Variants in SPRED2 observed in about 807,000 individuals in gnomAD.
SPRED2 encodes sprouty related EVH1 domain containing 2, also known as sprouty-related, EVH1 domain-containing protein 2.
SPRED2 carries 47 observed loss-of-function variants against 43.0 expected under a neutral mutation model. The ratio of observed to expected loss-of-function variants is 1.09; its 90% CI spans 0.87 to 1.40. The LOEUF (loss-of-function observed/expected upper bound fraction) is 1.40. SPRED2 is among the 40% of genes most tolerant of loss of function. SPRED2 has a pLI of 0.00. For missense variants in SPRED2, 561 were observed against 586.4 expected (o/e 0.96, Z 0.45); for synonymous variants, 225 against 225.7 (o/e 1.00, Z 0.03).
chr2:65,311,180 C>T lies in SPRED2; in HGVS notation c.*2321G>A, dbSNP rs574240881. ...TACAAAAATAAAATCTGAATAATTT[C>T]TCTCAAATGATTGACGTCAGTATGG... is the stretch of plus-strand genomic sequence containing the variant. On this transcript the variant is annotated 3_prime_UTR_variant, in exon 6 of 6. Transcript: ENST00000356388. The T allele has an allele frequency of 4.2e-5, 41 of 985,776 alleles. 1 individual carries two copies. In the South Asian group the frequency reaches 7.0e-4, roughly 17 times the overall value. 61.1% of individuals were successfully genotyped at this position (985,776 alleles called of 1,614,324 possible).
chr2:65,314,005 G>A lies in SPRED2; in HGVS notation c.753C>T (p.Tyr251=), dbSNP rs1345324792. Residue 251 remains tyrosine (Y), a synonymous_variant, in exon 6 of 6, where the codon TAC becomes TAT. Transcript: ENST00000356388. ...PDPSEDADSS[Y]VRFAKGEVPK... Reference sequence around the variant, plus strand: ...GGACCTCGCCCTTGGCGAAGCGCACGTAGGAGGAGTCCGCGTCCTCCGAGG... The same window carrying A: ...GGACCTCGCCCTTGGCGAAGCGCACATAGGAGGAGTCCGCGTCCTCCGAGG... 1.2e-6 allele frequency: 2 copies of A among 1,613,962 alleles called. No homozygotes were observed. Among genetic ancestry groups the A allele is most frequent in the South Asian group, 1.1e-5 (1 of 91,088 alleles).
intron 4 of SPRED2, among the ~76,000 whole-genome samples, chr2:65,317,365 T>G (rs1217914738): frequency 6.6e-6 from 1 of 152,036 alleles, no homozygotes; most frequent in Non-Finnish European, 1.5e-5. Flanking sequence ...ATACAAAAAT[T>G]AGGCAGGCAT....
At chr2:65,310,335 G>A (rs1468357182), downstream of SPRED2, among the ~76,000 whole-genome samples, 1 of 152,022 alleles carries the variant, frequency 6.6e-6, no homozygotes, top group Non-Finnish European at 1.5e-5. Flanking sequence ...GATTGTCACT[G>A]TAGCTCTGGA....
intron 5 of SPRED2, among the ~76,000 whole-genome samples, chr2:65,316,472 G>A (rs1673235718): frequency 6.6e-6 from 1 of 152,246 alleles, no homozygotes; most frequent in Non-Finnish European, 1.5e-5. Context: ...TGGGGAGGCT[G>A]AAGACTTGCC....
At chr2:65,363,278 C>T (rs916865516) in intron 1 of SPRED2, among the ~76,000 whole-genome samples, 5 of 150,722 alleles carry the variant, frequency 3.3e-5, no homozygotes, top group African/African-American at 9.8e-5. Flanking sequence ...ACTGGGAATG[C>T]GCACGGTTTC....
At chr2:65,357,006 A>G (rs1674672134) in intron 1 of SPRED2, among the ~76,000 whole-genome samples, 1 of 152,118 alleles carries the variant, frequency 6.6e-6, no homozygotes, top group African/African-American at 2.4e-5. Context: ...AACACAAAAC[A>G]AAACAAAAAA....
chr2:65,366,623 A>G, intron 1 of SPRED2: 1 of 1,553,178 alleles, frequency 6.4e-7, no homozygotes, highest in Non-Finnish European at 8.7e-7. Context: ...TACATTGTGG[A>G]GCCCGAGTGC....
chr2:65,382,772 T>A (rs1260187241), intron 1 of SPRED2, among the ~76,000 whole-genome samples: 1 of 152,184 alleles, frequency 6.6e-6, no homozygotes, highest in Middle Eastern at 3.2e-3. Context: ...CAAAATCCAA[T>A]GTGTATTTTG....
At chr2:65,358,683 G>C (rs17704661) in intron 1 of SPRED2, among the ~76,000 whole-genome samples, 16,765 of 152,262 alleles carry the variant, frequency 0.11, 1,378 homozygotes, top group Non-Finnish European at 0.16. Context: ...TGGTCCAAAC[G>C]TAAGTCAGTT....
chr2:65,357,971 A>G (rs1178133309), intron 1 of SPRED2, among the ~76,000 whole-genome samples: 3 of 152,126 alleles, frequency 2.0e-5, no homozygotes, highest in Non-Finnish European at 4.4e-5. Context: ...ATCCCTTTTC[A>G]TGCTTTGTGT....
chr2:65,340,765 C>T (rs1235838818), intron 2 of SPRED2, among the ~76,000 whole-genome samples: 1 of 152,194 alleles, frequency 6.6e-6, no homozygotes, highest in Non-Finnish European at 1.5e-5. Context: ...TCTAGATGTG[C>T]ACTACATTGT....
At chr2:65,395,011 T>C (rs1366774986) in intron 1 of SPRED2, among the ~76,000 whole-genome samples, 1 of 152,082 alleles carries the variant, frequency 6.6e-6, no homozygotes, top group Non-Finnish European at 1.5e-5. Flanking sequence ...ACAAGAGATA[T>C]CCGGTGGCCA....
chr2:65,362,494 T>C (rs113965599), intron 1 of SPRED2, among the ~76,000 whole-genome samples: 7,780 of 151,996 alleles, frequency 0.051, 298 homozygotes, highest in Middle Eastern at 0.15. Flanking sequence ...ATGGTCTCGA[T>C]CTCCTGACCT....
intron 5 of SPRED2, among the ~76,000 whole-genome samples, chr2:65,314,822 C>G (rs72894557): frequency 0.022 from 3,286 of 152,270 alleles, 160 homozygotes; most frequent in African/African-American, 0.074. Flanking sequence ...GTGTCTCCTT[C>G]AAGAGACAGG....
chr2:65,390,398 A>G (rs268129), intron 1 of SPRED2, among the ~76,000 whole-genome samples: 138,881 of 152,216 alleles, frequency 0.91, 63,845 homozygotes, highest in East Asian at 1. Context: ...TGACTGTGGG[A>G]CTGGAGTGAG....
intron 1 of SPRED2, among the ~76,000 whole-genome samples, chr2:65,349,429 C>A (rs1325220543): frequency 6.7e-6 from 1 of 149,280 alleles, no homozygotes; most frequent in Non-Finnish European, 1.5e-5. Flanking sequence ...AACAAACAAA[C>A]AAAAAAACCT....
chr2:65,310,504 C>T (rs1036125913), downstream of SPRED2, among the ~76,000 whole-genome samples: 11 of 144,456 alleles, frequency 7.6e-5, no homozygotes, highest in African/African-American at 2.6e-4. Flanking sequence ...CACACACACA[C>T]ATATCCCTGA....
At position 65,351,931 on chromosome 2, in the gene SPRED2, G is replaced by A. The variant is rs374248461; in HGVS notation, c.27-7035C>T. Among the ~76,000 whole-genome samples the A allele has an allele frequency of 1.8e-4, 28 of 152,188 alleles. No homozygotes were observed. In the East Asian group the frequency reaches 4.4e-3, roughly 24 times the overall value. ...AAGTTTATATATTCTGAACTTTATGGGCAAGGAAAGTTAACATAACGTAAT... is the reference window on the plus strand; with the variant it reads ...AAGTTTATATATTCTGAACTTTATGAGCAAGGAAAGTTAACATAACGTAAT... On this transcript the variant is annotated intron_variant, in intron 1 of 5. Transcript: ENST00000356388.
intron 1 of SPRED2, among the ~76,000 whole-genome samples, chr2:65,388,730 A>C (rs529857577): frequency 5.7e-4 from 86 of 152,072 alleles, no homozygotes; most frequent in East Asian, 1.4e-3. Flanking sequence ...ACACACACAC[A>C]CCCCAACTAA....
Sources: allele counts gnomAD v4.1 joint callset (sites outside exome capture counted in the v4.1 genomes callset), GRCh38; gene constraint gnomAD v4.1.1; transcripts MANE v1.5; gene names NCBI Gene and HGNC (gene_info 2026-07-23, HGNC 2026-07-21).